EPS15: variants seen among roughly 807,000 people sequenced by gnomAD.
The protein encoded by EPS15 is epidermal growth factor receptor substrate 15.
A neutral mutation model predicts 113.8 loss-of-function variants in EPS15; 72 were observed. That is an observed-to-expected ratio of 0.63 (90% CI 0.52 to 0.77). The LOEUF (loss-of-function observed/expected upper bound fraction) is 0.77, where lower values mean the gene tolerates loss of function less well. Among genes scored for constraint, EPS15 ranks in the 30% least tolerant of loss-of-function variants. The pLI is 0.00. For synonymous variants in EPS15, 344 were observed against 363.4 expected, an observed-to-expected ratio of 0.95 and a Z score of 0.61; for missense variants, 1,048 against 1,045.8, an observed-to-expected ratio of 1.00 and a Z score of -0.03.
At chr1:51,423,393 A>T (rs774142897) in intron 12 of EPS15, 6 of 1,090,622 alleles carry the variant, frequency 5.5e-6, no homozygotes, top group Admixed American at 4.0e-5. Flanking sequence ...ACGGGGAAAA[A>T]TTTCTGAAAA....
intron 21 of EPS15, among the ~76,000 whole-genome samples, chr1:51,390,084 C>A (rs1208235156): frequency 2.6e-5 from 4 of 152,146 alleles, no homozygotes; most frequent in Non-Finnish European, 5.9e-5. Context: ...GCTACAGTAA[C>A]CAAAACAGCA....
chr1:51,389,247 G>A (rs533453289), intron 21 of EPS15, among the ~76,000 whole-genome samples: 22 of 152,152 alleles, frequency 1.4e-4, no homozygotes, highest in Non-Finnish European at 2.8e-4. Flanking sequence ...ATGCAGAAAA[G>A]GCCTTTGACA....
At chr1:51,393,106 T>A (rs549750684) in intron 21 of EPS15, among the ~76,000 whole-genome samples, 1 of 152,374 alleles carries the variant, frequency 6.6e-6, no homozygotes, top group East Asian at 1.9e-4. Context: ...TTTGTATTCC[T>A]CACTCTTGCT....
chr1:51,447,513 G>C (rs1653162032), intron 9 of EPS15, among the ~76,000 whole-genome samples: 1 of 151,740 alleles, frequency 6.6e-6, no homozygotes, highest in Non-Finnish European at 1.5e-5. Context: ...TGCATATCCT[G>C]TCATTATCTT....
intron 4 of EPS15, among the ~76,000 whole-genome samples, chr1:51,469,869 TAA>T (rs113371504): frequency 7.0e-6 from 1 of 142,952 alleles, no homozygotes. Flanking sequence ...AGAATAGCCT[TAA>T]AAAAAAAAAA....
chr1:51,430,505 C>T (rs1432349860), intron 12 of EPS15, among the ~76,000 whole-genome samples: 2 of 150,146 alleles, frequency 1.3e-5, no homozygotes, highest in Non-Finnish European at 3.0e-5. Context: ...AAGATGGAGG[C>T]TGCAGTGAGC....
intron 1 of EPS15, among the ~76,000 whole-genome samples, chr1:51,510,238 T>A (rs1427581773): frequency 6.6e-6 from 1 of 152,140 alleles, no homozygotes; most frequent in Non-Finnish European, 1.5e-5. Flanking sequence ...TTCTTTTACA[T>A]AACAATAGAG....
At chr1:51,518,010 G>A (rs935810441) in intron 1 of EPS15, among the ~76,000 whole-genome samples, 1 of 152,078 alleles carries the variant, frequency 6.6e-6, no homozygotes, top group African/African-American at 2.4e-5. Flanking sequence ...ACGAATCTAG[G>A]CCAAGGAGTA....
intron 22 of EPS15, among the ~76,000 whole-genome samples, chr1:51,365,513 T>C (rs1454410368): frequency 1.3e-5 from 2 of 152,190 alleles, no homozygotes; most frequent in Non-Finnish European, 2.9e-5. Context: ...ATAGTGGACA[T>C]TTAGTACTGG....
intron 5 of EPS15, among the ~76,000 whole-genome samples, chr1:51,467,205 G>A (rs1002423328): frequency 1.3e-5 from 2 of 152,190 alleles, no homozygotes; most frequent in Non-Finnish European, 2.9e-5. Context: ...ACAGAAACAG[G>A]CACTCAAACA....
At chr1:51,500,154 G>A (rs181707344) in intron 1 of EPS15, among the ~76,000 whole-genome samples, 10 of 152,254 alleles carry the variant, frequency 6.6e-5, no homozygotes, top group African/African-American at 9.6e-5. Context: ...AAAATACTCC[G>A]TTGCATGTAG....
At chr1:51,418,454 T>C (rs188183713) in intron 13 of EPS15, among the ~76,000 whole-genome samples, 1 of 151,888 alleles carries the variant, frequency 6.6e-6, no homozygotes, top group Non-Finnish European at 1.5e-5. Context: ...CACAGTGTGG[T>C]ATGGGCAAGC....
At chr1:51,378,273 C>T (rs879857046) in intron 21 of EPS15, among the ~76,000 whole-genome samples, 22 of 151,932 alleles carry the variant, frequency 1.4e-4, no homozygotes, top group Non-Finnish European at 2.4e-4. Flanking sequence ...TGTTACTGCA[C>T]ACTTAATAGA....
intron 2 of EPS15, among the ~76,000 whole-genome samples, chr1:51,480,388 T>C (rs920099068): frequency 1.3e-5 from 2 of 152,262 alleles, no homozygotes; most frequent in Non-Finnish European, 2.9e-5. Flanking sequence ...GACTACTTTA[T>C]ACTCGTAGAG....
chr1:51,420,804 T>A (rs1650679369), intron 13 of EPS15, among the ~76,000 whole-genome samples: 1 of 152,096 alleles, frequency 6.6e-6, no homozygotes, highest in African/African-American at 2.4e-5. Context: ...TAAATCATTC[T>A]CCCCACCCTA....
In EPS15 at chr1:51,505,871, A is replaced by AATTT. The variant is rs376469892; in HGVS notation, c.33+13324_33+13327dup. 3.0e-3 allele frequency among the ~76,000 whole-genome samples: 452 copies of AATTT among 151,378 alleles called. 4 individuals carry two copies. The highest frequency in any genetic ancestry group is 9.7e-3 in the African/African-American group (398 of 41,216). ...CAATGGCGCAATCTTGGCTCACTAC[A>AATTT]ATTTATTTATTTATTTATTTGTTGG... On this transcript the variant is annotated intron_variant, in intron 1 of 24. Transcript: ENST00000371733.
intron 21 of EPS15, among the ~76,000 whole-genome samples, chr1:51,370,016 C>T (rs1646608190): frequency 6.6e-6 from 1 of 152,192 alleles, no homozygotes; most frequent in East Asian, 1.9e-4. Context: ...AATTTTAAGG[C>T]TCACAAATAA....
At chr1:51,486,760 C>T (rs1644131164) in intron 1 of EPS15, among the ~76,000 whole-genome samples, 1 of 151,996 alleles carries the variant, frequency 6.6e-6, no homozygotes, top group Non-Finnish European at 1.5e-5. Flanking sequence ...CTCACTGCAA[C>T]CTCTGCCTCC....
At chr1:51,507,947 G>T (rs1332420752) in intron 1 of EPS15, among the ~76,000 whole-genome samples, 1 of 151,936 alleles carries the variant, frequency 6.6e-6, no homozygotes, top group Admixed American at 6.6e-5. Flanking sequence ...GGAGGCCGAG[G>T]CAGGTGGATC....
Sources: allele counts gnomAD v4.1 joint callset (sites outside exome capture counted in the v4.1 genomes callset), GRCh38; gene constraint gnomAD v4.1.1; transcripts MANE v1.5; gene names NCBI Gene and HGNC (gene_info 2026-07-23, HGNC 2026-07-21).